Variants in LRP11 observed in about 807,000 individuals in gnomAD.
LRP11 encodes LDL receptor related protein 11.
In LRP11, 25 loss-of-function variants were observed where a neutral mutation model predicts 43.1. The observed-to-expected ratio is 0.58, with a 90% CI of 0.42 to 0.81. LRP11 has a LOEUF of 0.81. Among genes scored for constraint, LRP11 ranks in the 30% least tolerant of loss-of-function variants. The probability of loss-of-function intolerance (pLI) is 0.00; values close to 1 mark genes in which losing one functional copy is unlikely to be tolerated. For missense variants in LRP11, 623 were observed against 665.1 expected, an observed-to-expected ratio of 0.94 and a Z score of 0.70; for synonymous variants, 316 against 299.4, an observed-to-expected ratio of 1.06 and a Z score of -0.57.
intron 2 of LRP11, among the ~76,000 whole-genome samples, chr6:149,852,284 C>G (rs1235407650): frequency 3.9e-5 from 6 of 152,340 alleles, no homozygotes; most frequent in Non-Finnish European, 8.8e-5. Flanking sequence ...ACCTCACCCT[C>G]TTTCTCCACT....
At chr6:149,847,394 C>A (rs1358583130) in intron 2 of LRP11, among the ~76,000 whole-genome samples, 2 of 152,198 alleles carry the variant, frequency 1.3e-5, no homozygotes, top group Non-Finnish European at 2.9e-5. Flanking sequence ...ATGTCCCTTC[C>A]CTAGCTCTTT....
At chr6:149,839,887 T>G (rs1210327889) in intron 3 of LRP11, among the ~76,000 whole-genome samples, 1 of 152,194 alleles carries the variant, frequency 6.6e-6, no homozygotes, top group Non-Finnish European at 1.5e-5. Context: ...TTATAAAATA[T>G]ACTCAAATTT....
In LRP11 at chr6:149,863,795, C is replaced by CCAGCTCCTCCTGAGGCCGCTCCTGCTG. The variant is rs746169353; in HGVS notation, c.199_225dup (p.Gln67_Leu75dup). On this transcript the variant is annotated inframe_insertion, in exon 1 of 7. Transcript: ENST00000239367. The stretch of plus-strand genomic sequence containing the variant: ...CCGCCGCCCGCGCGCAGCTCCAGCT[C>CCAGCTCCTCCTGAGGCCGCTCCTGCTG]CAGCTCCTCCTGAGGCCGCTCCTGC... The CCAGCTCCTCCTGAGGCCGCTCCTGCTG allele has an allele frequency of 6.7e-7, 1 of 1,494,698 alleles. No homozygotes were observed. The highest frequency in any genetic ancestry group is 8.8e-7 in the Non-Finnish European group (1 of 1,130,076). The allele number at this position is 1,494,698 out of a possible 1,614,324, so 92.6% of individuals were successfully genotyped here. A position where few individuals can be genotyped will look rare whatever the true frequency, so the allele number is the denominator to read the frequency against.
At chr6:149,854,121 CTTTG>C (rs1459765163) in intron 1 of LRP11, among the ~76,000 whole-genome samples, 1 of 152,012 alleles carries the variant, frequency 6.6e-6, no homozygotes, top group African/African-American at 2.4e-5. Flanking sequence ...CTGTATTTAC[CTTTG>C]TTTTTGTTTT....
rs549099221 is a variant in LRP11 at position 149,837,911 on chromosome 6, C to CATTT, written c.914-452_914-449dup. ...GTTGGCTATGTTTTAACAGAGATAC[C>CATTT]ATTTATTTATTTATTTACTTACTTA... On this transcript the variant is annotated intron_variant, in intron 3 of 6. Transcript: ENST00000239367. 1.2e-3 allele frequency among the ~76,000 whole-genome samples: 187 copies of CATTT among 152,212 alleles called. 1 individual carries two copies. The highest frequency in any genetic ancestry group is 6.0e-3 in the Admixed American group (92 of 15,296).
rs898247037 is a variant in LRP11, at chr6:149,863,666, G to A, written c.355C>T (p.Arg119Trp). The change falls in exon 1 of 7, where the codon CGG (arginine) becomes TGG (tryptophan). Residue 119 changes from arginine (R) to tryptophan (W), a missense_variant. Coordinates refer to ENST00000239367, the MANE Select transcript of LRP11 (RefSeq NM_032832.6). ...CAGCCCCGCACGGCCGCCGGCGCCC[G>A]CAGGAAGCTGGCACCCGCCGCCAGG... is the stretch of plus-strand genomic sequence containing the variant. ...DSLAAGASFL[R>W]APAAVRGWRQ... The A allele has an allele frequency of 1.4e-6, 2 of 1,472,900 alleles. No homozygotes were observed. Among genetic ancestry groups the A allele is most frequent in the Admixed American group, 2.4e-5 (1 of 42,430 alleles). The allele number at this position is 1,472,900 out of a possible 1,614,324, so 91.2% of individuals were successfully genotyped here. A position where few individuals can be genotyped will look rare whatever the true frequency, so the allele number is the denominator to read the frequency against.
At chr6:149,851,161 C>T (rs949706499) in intron 2 of LRP11, among the ~76,000 whole-genome samples, 4 of 152,148 alleles carry the variant, frequency 2.6e-5, no homozygotes, top group South Asian at 2.1e-4. Context: ...CTGTTATACA[C>T]GATTGGGAAC....
intron 2 of LRP11, among the ~76,000 whole-genome samples, chr6:149,851,671 T>C (rs1181456324): frequency 6.6e-6 from 1 of 152,102 alleles, no homozygotes; most frequent in Admixed American, 6.5e-5. Context: ...TGATGTGAAG[T>C]AGTGAGCTTC....
intron 2 of LRP11, among the ~76,000 whole-genome samples, chr6:149,844,847 T>C (rs186436880): frequency 7.2e-4 from 109 of 152,326 alleles, no homozygotes; most frequent in Middle Eastern, 3.4e-3. Flanking sequence ...TGCTTTACAA[T>C]CATTTAGATA....
chr6:149,846,959 A>G (rs1157356710), intron 2 of LRP11, among the ~76,000 whole-genome samples: 1 of 89,024 alleles, frequency 1.1e-5, no homozygotes, highest in Non-Finnish European at 2.3e-5. Context: ...AAAATAATAG[A>G]ATAGAATAGA....
chr6:149,836,027 GC>G, intron 5 of LRP11, 57 bp downstream of exon 5: 1 of 1,445,308 alleles, frequency 6.9e-7, no homozygotes. Flanking sequence ...TTAATTGTGA[GC>G]CAAGTTTGGC....
chr6:149,842,724 G>A (rs1486983141), intron 3 of LRP11: 1 of 1,534,652 alleles, frequency 6.5e-7, no homozygotes, highest in Admixed American at 2.0e-5. Flanking sequence ...TGTCTTTGAT[G>A]AAGTCGAGTC....
intron 1 of LRP11, among the ~76,000 whole-genome samples, chr6:149,855,440 T>C (rs1393593914): frequency 6.6e-6 from 1 of 152,174 alleles, no homozygotes; most frequent in Non-Finnish European, 1.5e-5. Context: ...AGAGGTTGAA[T>C]TGAATGTAAA....
chr6:149,862,553 T>G (rs1270263232), intron 1 of LRP11, among the ~76,000 whole-genome samples: 1 of 150,200 alleles, frequency 6.7e-6, no homozygotes, highest in East Asian at 2.0e-4. Context: ...AGAAACACGC[T>G]TTAAAGTTTC....
chr6:149,825,682 G>A (rs975603964), intron 6 of LRP11, among the ~76,000 whole-genome samples: 1 of 148,402 alleles, frequency 6.7e-6, no homozygotes, highest in African/African-American at 2.5e-5. Context: ...TTTTGAGACG[G>A]TCTCACTCTG....
At chr6:149,826,479 T>G in intron 5 of LRP11, 120 bp from the exon 6 acceptor site, 1 of 668,492 alleles carries the variant, frequency 1.5e-6, no homozygotes, top group South Asian at 1.9e-5. Flanking sequence ...TGTTTATTTC[T>G]CTACTAAACA....
chr6:149,859,396 A>ATATATATATATATATT, intron 1 of LRP11, among the ~76,000 whole-genome samples: 4 of 71,496 alleles, frequency 5.6e-5, no homozygotes, highest in African/African-American at 2.5e-4. Context: ...ATATATATAT[A>ATATATATATATATATT]TTTTTTTTTT....
rs1310066973 is a variant in LRP11, at chr6:149,863,564, G to T, written c.457C>A (p.Pro153Thr). 5 of 1,379,890 alleles carry T rather than the reference G, an allele frequency of 3.6e-6. No homozygotes were observed. The Admixed American group carries it at 1.4e-4, about 38-fold the overall frequency. 85.5% of individuals were successfully genotyped at this position (1,379,890 alleles called of 1,614,324 possible). A position where few individuals can be genotyped will look rare whatever the true frequency, so the allele number is the denominator to read the frequency against. ...AVVELPRRPA[P>T]PAAVLGCYLF... ...TAGCAGCCGAGCACGGCTGCCGGGG[G>T]CGCGGGGCGCCGGGGCAGCTCCACC... The change falls in exon 1 of 7, where the codon CCC becomes ACC. Residue 153 changes from proline to threonine, a missense_variant. Pro to Thr is a conservative substitution (Grantham distance 38). Coordinates refer to ENST00000239367, the MANE Select transcript of LRP11 (RefSeq NM_032832.6).
chr6:149,855,221 A>G (rs1203277885), intron 1 of LRP11, among the ~76,000 whole-genome samples: 1 of 152,218 alleles, frequency 6.6e-6, no homozygotes, highest in Admixed American at 6.5e-5. Flanking sequence ...AAGGCCTGGA[A>G]TGTGAAAACA....
Sources: allele counts gnomAD v4.1 joint callset (sites outside exome capture counted in the v4.1 genomes callset), GRCh38; gene constraint gnomAD v4.1.1; transcripts MANE v1.5; gene names NCBI Gene and HGNC (gene_info 2026-07-23, HGNC 2026-07-21).